IGSF5: variants seen among roughly 807,000 people sequenced by gnomAD.
The protein encoded by IGSF5 is immunoglobulin superfamily 5 like.
A neutral mutation model predicts 39.4 loss-of-function variants in IGSF5; 41 were observed. The observed-to-expected ratio is 1.04, with a 90% CI of 0.81 to 1.35. IGSF5 has a LOEUF of 1.35. Ranked by LOEUF, IGSF5 falls within the 40% of genes most tolerant of loss-of-function variation. IGSF5 has a pLI of 0.00. For missense variants in IGSF5, 487 were observed against 494.6 expected, an observed-to-expected ratio of 0.98 and a Z score of 0.15; for synonymous variants, 183 against 175.3, an observed-to-expected ratio of 1.04 and a Z score of -0.34.
At position 39,765,658 on chromosome 21, in the gene IGSF5, A is replaced by T. The variant is rs909149736; in HGVS notation, c.224A>T (p.Asp75Val). The T allele has an allele frequency of 6.2e-7, 1 of 1,614,130 alleles. No individual in the cohort carries two copies. The highest frequency in any genetic ancestry group is 1.3e-5 in the African/African-American group (1 of 75,038). Residue 75 changes from aspartate (D) to valine (V), a missense_variant, in exon 3 of 9, where the codon GAC (aspartate) becomes GTC (valine). Coordinates refer to ENST00000380588, the MANE Select transcript of IGSF5 (RefSeq NM_001080444.2). ...GWKLIMWALS[D>V]MVVLSVRPME... The stretch of plus-strand genomic sequence containing the variant: ...AAGCTCATCATGTGGGCTCTCAGTG[A>T]CATGGTGGTGCTAAGCGTCAGGCCC...
chr21:39,770,868 G>A (rs771480413), intron 3 of IGSF5, 48 bp from the exon 4 acceptor site: 94 of 1,227,880 alleles, frequency 7.7e-5, no homozygotes, highest in Non-Finnish European at 9.9e-5. Flanking sequence ...ACTTAGAAGC[G>A]AGAGGCATGG....
the IGSF5 span, among the ~76,000 whole-genome samples, chr21:39,737,415 C>A: frequency 2.0e-5 from 3 of 152,094 alleles, no homozygotes; most frequent in Non-Finnish European, 4.4e-5. Flanking sequence ...TCCCACAGGG[C>A]GAGGGCTCTG....
At chr21:39,798,650 C>A (rs1057142457) in intron 8 of IGSF5, among the ~76,000 whole-genome samples, 1 of 152,180 alleles carries the variant, frequency 6.6e-6, no homozygotes, top group African/African-American at 2.4e-5. Context: ...TCATGAATCA[C>A]CCAGCTCAAT....
chr21:39,792,447 G>A (rs2086970899), intron 7 of IGSF5, among the ~76,000 whole-genome samples: 1 of 152,104 alleles, frequency 6.6e-6, no homozygotes, highest in Non-Finnish European at 1.5e-5. Flanking sequence ...GTTAACGGGT[G>A]CAGCACACCA....
intron 8 of IGSF5, among the ~76,000 whole-genome samples, chr21:39,798,657 C>G (rs1372643216): frequency 6.6e-6 from 1 of 152,188 alleles, no homozygotes; most frequent in East Asian, 1.9e-4. Flanking sequence ...TCACCCAGCT[C>G]AATTTTAATA....
At chr21:39,732,706 T>A in the IGSF5 span, among the ~76,000 whole-genome samples, 139 of 152,306 alleles carry the variant, frequency 9.1e-4, no homozygotes, top group Non-Finnish European at 1.7e-3. Flanking sequence ...ATAATTCTAA[T>A]TAAAAGAGTT....
At chr21:39,758,474 C>T (rs1314329789) in intron 2 of IGSF5, among the ~76,000 whole-genome samples, 4 of 152,160 alleles carry the variant, frequency 2.6e-5, no homozygotes, top group African/African-American at 2.4e-5. Context: ...ATCTGGGCTT[C>T]GAGGAAGACC....
rs2080112944 is a variant in IGSF5, at chr21:39,771,204, G to A, written c.707G>A (p.Arg236Gln). The A allele has an allele frequency of 5.7e-6, 9 of 1,574,470 alleles. No individual in the cohort carries two copies. Among genetic ancestry groups the A allele is most frequent in the South Asian group, 3.6e-5 (3 of 84,302 alleles). Residue 236 changes from arginine (R) to glutamine (Q), a missense_variant, in exon 4 of 9, where the codon CGG (arginine) becomes CAG (glutamine). Physicochemically the swap from Arg to Gln is conservative, Grantham distance 43. Coordinates refer to ENST00000380588, the MANE Select transcript of IGSF5 (RefSeq NM_001080444.2). Reference sequence around the variant, plus strand: ...GCAACTGTAAATCTCACTGTGATTCGGTGTCCCCAAGGTAAGTGAAGACAT... The same window carrying A: ...GCAACTGTAAATCTCACTGTGATTCAGTGTCCCCAAGGTAAGTGAAGACAT... ...KSATVNLTVIRCPQDTGGGIN... is the reference protein window; with the variant it reads ...KSATVNLTVIQCPQDTGGGIN...
At chr21:39,734,194 G>A in the IGSF5 span, among the ~76,000 whole-genome samples, 1 of 152,114 alleles carries the variant, frequency 6.6e-6, no homozygotes, top group Admixed American at 6.5e-5. Flanking sequence ...GGATGCCAAG[G>A]CAGGTAGATC....
At chr21:39,760,110 A>G (rs1368180153) in intron 2 of IGSF5, among the ~76,000 whole-genome samples, 1 of 152,154 alleles carries the variant, frequency 6.6e-6, no homozygotes, top group Non-Finnish European at 1.5e-5. Context: ...ATGGCTCTGA[A>G]TATCCATTAT....
Position 39,799,502 on chromosome 21 carries a change from A to AT in IGSF5, c.1129-1747dup, listed in dbSNP as rs200904192. Among the ~76,000 whole-genome samples, 330 of 145,826 alleles carry AT rather than the reference A, an allele frequency of 2.3e-3. 1 individual carries two copies. The highest frequency in any genetic ancestry group is 7.2e-3 in the Middle Eastern group (2 of 278). ...TTCTCCAGGTGATCTGCTTTGAGGA[A>AT]TTTTTTTTTTTTTGTCCCAGTGTGA... On this transcript the variant is annotated intron_variant, in intron 8 of 8. Coordinates refer to ENST00000380588, the MANE Select transcript of IGSF5 (RefSeq NM_001080444.2).
At chr21:39,779,353 T>A (rs768439236) in intron 5 of IGSF5, 48 bp downstream of exon 5, 2 of 1,588,486 alleles carry the variant, frequency 1.3e-6, no homozygotes, top group South Asian at 2.3e-5. Context: ...GAACTTTTGG[T>A]ACAAGCAGTT....
chr21:39,736,042 C>A, the IGSF5 span, among the ~76,000 whole-genome samples: 1 of 108,970 alleles, frequency 9.2e-6, no homozygotes, highest in African/African-American at 2.7e-5. Flanking sequence ...CTAAGACCAC[C>A]CCTCACTCTC....
At chr21:39,791,974 C>T (rs770341871) in intron 6 of IGSF5, 34 bp from the exon 7 acceptor site, 3 of 1,441,210 alleles carry the variant, frequency 2.1e-6, no homozygotes, top group Non-Finnish European at 2.9e-6. Flanking sequence ...TTAATGCCAA[C>T]AATTAACATG....
rs183645843 is a variant in IGSF5 at position 39,749,300 on chromosome 21, C to T, written c.100+3002C>T. ...CGATCTCCACTCACTGCAACCTCCG[C>T]CTCCTGGGCTCAAGTGATTCTCCTG... On this transcript the variant is annotated intron_variant, in intron 2 of 8. Transcript: ENST00000380588. Among the ~76,000 whole-genome samples the T allele has an allele frequency of 2.6e-5, 4 of 151,918 alleles. No homozygotes were observed. In the East Asian group the frequency reaches 7.7e-4, roughly 29 times the overall value.
intron 6 of IGSF5, 104 bp from the exon 7 acceptor site, chr21:39,791,904 C>A: frequency 1.4e-6 from 1 of 740,420 alleles, no homozygotes. Context: ...TGTAAGCATA[C>A]TCTTGAGAGT....
At chr21:39,725,960 A>C in the IGSF5 span, 1 of 152,184 alleles carries the variant, frequency 6.6e-6, no homozygotes, top group African/African-American at 2.4e-5. Context: ...CAGGAACCTG[A>C]GCTCCAGCAA....
At chr21:39,768,063 T>G (rs1440613238) in intron 3 of IGSF5, among the ~76,000 whole-genome samples, 1 of 152,234 alleles carries the variant, frequency 6.6e-6, no homozygotes, top group African/African-American at 2.4e-5. Flanking sequence ...TGAATCCCGC[T>G]GACTTTTTAT....
the IGSF5 span, among the ~76,000 whole-genome samples, chr21:39,733,383 A>G: frequency 6.6e-6 from 1 of 152,186 alleles, no homozygotes; most frequent in Non-Finnish European, 1.5e-5. Context: ...ATTATATTCT[A>G]CTATATAATA....
Sources: allele counts gnomAD v4.1 joint callset (sites outside exome capture counted in the v4.1 genomes callset), GRCh38; gene constraint gnomAD v4.1.1; transcripts MANE v1.5; gene names NCBI Gene and HGNC (gene_info 2026-07-23, HGNC 2026-07-21).